The following PSMD1 variants were observed in gnomAD, a reference collection of about 807,000 sequenced individuals.
PSMD1 encodes 26S proteasome non-ATPase regulatory subunit 1.
PSMD1 carries 18 observed loss-of-function variants against 119.0 expected under a neutral mutation model. That is an observed-to-expected ratio of 0.15 (90% CI 0.10 to 0.22). PSMD1 has a LOEUF of 0.22. PSMD1 is among the 10% of genes least tolerant of loss of function. PSMD1 has a pLI of 1.00. For synonymous variants in PSMD1, 374 were observed against 396.6 expected (o/e 0.94, Z 0.68); for missense variants, 702 against 1,158.5 (o/e 0.61, Z 5.72).
At chr2:231,101,047 G>A (rs1417331231) in intron 16 of PSMD1, among the ~76,000 whole-genome samples, 1 of 152,224 alleles carries the variant, frequency 6.6e-6, no homozygotes, top group East Asian at 1.9e-4. Flanking sequence ...CTAGGGGGTT[G>A]CCGGCACTAG....
At chr2:231,162,041 C>G (rs546901190) in intron 20 of PSMD1, among the ~76,000 whole-genome samples, 20 of 152,226 alleles carry the variant, frequency 1.3e-4, no homozygotes, top group African/African-American at 3.9e-4. Flanking sequence ...GGAGGATGAC[C>G]CTTTGGTAGA....
In PSMD1 at chr2:231,062,311, G is replaced by A. The variant is rs776542337; in HGVS notation, c.124G>A (p.Val42Ile). The change falls in exon 3 of 25, where the codon GTA becomes ATA. Residue 42 changes from valine to isoleucine, a missense_variant. By Grantham distance (29) the Val-to-Ile change is conservative. Transcript: ENST00000308696. The part of the protein sequence containing the change: ...NDFWAEISES[V>I]DKIEVLYEDE... ...CTTCTGGGCAGAAATTTCCGAGTCC[G>A]TAGACAAAATGTAAGAAATTATTTT... 29 of 1,607,104 alleles carry A rather than the reference G, an allele frequency of 1.8e-5. No homozygotes were observed. The highest frequency in any genetic ancestry group is 3.3e-5 in the Admixed American group (2 of 59,938).
At chr2:231,166,729 C>A (rs1003268788) in intron 23 of PSMD1, among the ~76,000 whole-genome samples, 19 of 152,162 alleles carry the variant, frequency 1.2e-4, no homozygotes, top group African/African-American at 3.4e-4. Context: ...GATGCTAGAT[C>A]TGTCTAAAAT....
At chr2:231,095,619 A>G (rs1038227656) in intron 16 of PSMD1, among the ~76,000 whole-genome samples, 3 of 152,226 alleles carry the variant, frequency 2.0e-5, no homozygotes, top group Non-Finnish European at 2.9e-5. Context: ...ACACTTTCCA[A>G]TGAAATCAGC....
intron 16 of PSMD1, among the ~76,000 whole-genome samples, chr2:231,093,754 C>A (rs1035014656): frequency 2.0e-5 from 3 of 152,056 alleles, no homozygotes; most frequent in East Asian, 3.8e-4. Context: ...CAGGTTCTTA[C>A]CCATATTCCC....
intron 6 of PSMD1, 110 bp from the exon 7 acceptor site, chr2:231,072,079 T>A: frequency 1.2e-6 from 1 of 833,868 alleles, no homozygotes; most frequent in South Asian, 1.8e-5. Flanking sequence ...CTGCCCTAGT[T>A]TGCCTGTGCT....
chr2:231,139,844 A>C (rs906966793), intron 17 of PSMD1, among the ~76,000 whole-genome samples: 2 of 152,192 alleles, frequency 1.3e-5, no homozygotes, highest in Non-Finnish European at 2.9e-5. Flanking sequence ...AAAGAGTTGA[A>C]TGGGGTAAGG....
rs1180817937 is a variant in PSMD1 at position 231,170,843 on chromosome 2, G to A, written c.*9+122G>A. On this transcript the variant is annotated intron_variant, in intron 24 of 24. Transcript: ENST00000308696. This position sits in a 1 kb window ranked among gnomAD's most constrained non-coding sequence, Gnocchi z 4.1. ...TGTTTAATCCTTATTTACCTAAACA[G>A]TATTAAAACTTCCCCGTTTCAACCT... The A allele has an allele frequency of 9.3e-7, 1 of 1,073,808 alleles. No individual in the cohort carries two copies. 66.5% of individuals were successfully genotyped at this position (1,073,808 alleles called of 1,614,324 possible).
At chr2:231,080,439 G>T (rs1461279574) in intron 12 of PSMD1, 125 bp downstream of exon 12, 12 of 799,628 alleles carry the variant, frequency 1.5e-5, no homozygotes, top group South Asian at 8.2e-5. Flanking sequence ...CTGTCATCTT[G>T]GATTTTTTTT....
At chr2:231,109,047 A>G in intron 16 of PSMD1, 2 of 1,614,214 alleles carry the variant, frequency 1.2e-6, no homozygotes, top group Non-Finnish European at 1.7e-6. Flanking sequence ...CCAATTGTGG[A>G]TGTTCTTCGC....
chr2:231,127,253 C>G (rs189090060), intron 16 of PSMD1, among the ~76,000 whole-genome samples: 1 of 148,754 alleles, frequency 6.7e-6, no homozygotes, highest in African/African-American at 2.5e-5. Context: ...ATAGGGTCAA[C>G]TGAAACAGCA....
chr2:231,062,340 A>G lies in PSMD1; in HGVS notation c.134+19A>G. ...ACAAAATGTAAGAAATTATTTTTAT[A>G]AATCAGAATAAGATGGATCAAATTT... On this transcript the variant is annotated intron_variant, in intron 3 of 24. Coordinates refer to ENST00000308696, the MANE Select transcript of PSMD1 (RefSeq NM_002807.4). 1.3e-6 allele frequency: 2 copies of G among 1,575,424 alleles called. No homozygotes were observed. The highest frequency in any genetic ancestry group is 1.7e-6 in the Non-Finnish European group (2 of 1,147,094).
intron 16 of PSMD1, among the ~76,000 whole-genome samples, chr2:231,114,555 T>G (rs1212468089): frequency 1.3e-5 from 2 of 152,212 alleles, no homozygotes; most frequent in African/African-American, 4.8e-5. Context: ...TTGTTTCCCC[T>G]TCTATATTTC....
chr2:231,150,803 GA>G (rs1439905324), intron 18 of PSMD1, among the ~76,000 whole-genome samples: 9 of 151,928 alleles, frequency 5.9e-5, no homozygotes, highest in South Asian at 2.1e-4. Context: ...TAATTTCACA[GA>G]CAAAAAAAAC....
At chr2:231,111,762 GT>G (rs1695164456) in intron 16 of PSMD1, among the ~76,000 whole-genome samples, 1 of 152,182 alleles carries the variant, frequency 6.6e-6, no homozygotes, top group South Asian at 2.1e-4. Flanking sequence ...AAACCTCTAG[GT>G]TTCTTTTTTC....
At chr2:231,141,421 CTT>C (rs34818750) in intron 17 of PSMD1, among the ~76,000 whole-genome samples, 22 of 104,212 alleles carry the variant, frequency 2.1e-4, no homozygotes, top group African/African-American at 2.9e-4. Flanking sequence ...CCCTGCTATA[CTT>C]TTTTTTTTTT....
intron 18 of PSMD1, among the ~76,000 whole-genome samples, chr2:231,151,803 ATTTT>A (rs57347945): frequency 1.0e-5 from 1 of 95,636 alleles, no homozygotes; most frequent in Non-Finnish European, 1.9e-5. Context: ...AAACATGAGA[ATTTT>A]TTTTTTTTTT....
chr2:231,098,467 T>TTCTCTC (rs916329488), intron 16 of PSMD1, among the ~76,000 whole-genome samples: 7 of 149,704 alleles, frequency 4.7e-5, no homozygotes, highest in Admixed American at 4.6e-4. Context: ...CTCTGTCTCT[T>TTCTCTC]TCTCTCTCTC....
intron 16 of PSMD1, among the ~76,000 whole-genome samples, chr2:231,090,080 A>T (rs539472933): frequency 1.3e-5 from 2 of 152,364 alleles, no homozygotes; most frequent in South Asian, 2.1e-4. Context: ...TTTTCAAAAT[A>T]TTACTGCTCA....
Sources: allele counts gnomAD v4.1 joint callset (sites outside exome capture counted in the v4.1 genomes callset), GRCh38; gene constraint gnomAD v4.1.1; non-coding constraint Gnocchi (gnomAD v3.1); transcripts MANE v1.5; gene names NCBI Gene and HGNC (gene_info 2026-07-23, HGNC 2026-07-21).